Variants in TMEM132C observed in about 807,000 individuals in gnomAD.
TMEM132C encodes protein phosphatase 1, regulatory subunit 152.
Under a neutral mutation model 61.4 loss-of-function variants are expected in TMEM132C, and 29 were observed. That is an observed-to-expected ratio of 0.47 (90% CI 0.35 to 0.64). TMEM132C has a LOEUF of 0.64. Ranked by LOEUF, TMEM132C falls within the 30% of genes least tolerant of loss-of-function variation. The pLI is 0.00. For synonymous variants in TMEM132C, 656 were observed against 633.1 expected (o/e 1.04, Z -0.54); for missense variants, 1,408 against 1,476.9 (o/e 0.95, Z 0.76).
chr12:128,268,969 G>T lies in TMEM132C; in HGVS notation c.85+1482G>T, dbSNP rs1252902212. On this transcript the variant is annotated intron_variant, in intron 1 of 8. Transcript: ENST00000435159. ...GAAAGGGGGTGAGAGACGAGGGAAA[G>T]GGGGGGCAAGTCGGGGGTGGAGGAG... Among the ~76,000 whole-genome samples the T allele has an allele frequency of 4.8e-5, 5 of 103,662 alleles. No homozygotes were observed. The East Asian group carries it at 1.8e-3, about 38-fold the overall frequency. The allele number at this position is 103,662 out of a possible 152,430, so 68.0% of individuals were successfully genotyped here. A position where few individuals can be genotyped will look rare whatever the true frequency, so the allele number is the denominator to read the frequency against.
At chr12:128,530,279 G>C (rs1873240406) in intron 2 of TMEM132C, among the ~76,000 whole-genome samples, 1 of 152,120 alleles carries the variant, frequency 6.6e-6, no homozygotes, top group South Asian at 2.1e-4. Context: ...CCCTTCACCA[G>C]GGCTGTGCTG....
Position 128,705,790 on chromosome 12 carries a change from TC to T in TMEM132C, c.2824del (p.Leu942Ter). 6.4e-7 allele frequency: 1 copy of T among 1,551,656 alleles called. No homozygotes were observed. The highest frequency in any genetic ancestry group is 8.7e-7 in the Non-Finnish European group (1 of 1,147,064). ...GTGTTCTGCCTGGCCATCCTCGTCT[TC>T]CTGATCAACTGCGCCACCTTTGCCC... ...LGVFCLAILV[F>X]LINCATFALK... On this transcript the variant is annotated frameshift_variant, in exon 9 of 9. Transcript: ENST00000435159. LOFTEE classifies it low-confidence loss of function (END_TRUNC).
At chr12:128,688,172 C>T (rs990485921) in intron 5 of TMEM132C, among the ~76,000 whole-genome samples, 8 of 152,198 alleles carry the variant, frequency 5.3e-5, no homozygotes, top group African/African-American at 1.9e-4. Flanking sequence ...CTTTCCCCTG[C>T]CCACCTGCCC....
intron 1 of TMEM132C, among the ~76,000 whole-genome samples, chr12:128,293,667 A>G (rs1188895903): frequency 6.6e-6 from 1 of 152,102 alleles, no homozygotes; most frequent in Non-Finnish European, 1.5e-5. Context: ...AGTGGAGCCC[A>G]TTTGTAAACT....
In TMEM132C at chr12:128,585,263, G is replaced by A. The variant is rs1362417621; in HGVS notation, c.1122-30889G>A. ...ATCTCTGGATAGTGGTTTGGTGATA[G>A]GAGATGTTAAATGCCCAAAGGCTAA... is the stretch of plus-strand genomic sequence containing the variant. On this transcript the variant is annotated intron_variant, in intron 3 of 8. Transcript: ENST00000435159. 3.9e-5 allele frequency among the ~76,000 whole-genome samples: 6 copies of A among 152,250 alleles called. No individual in the cohort carries two copies. The South Asian group carries it at 1.0e-3, about 26-fold the overall frequency.
At chr12:128,543,025 CT>C (rs1179052308) in intron 2 of TMEM132C, among the ~76,000 whole-genome samples, 1 of 152,136 alleles carries the variant, frequency 6.6e-6, no homozygotes, top group African/African-American at 2.4e-5. Context: ...CAAGCTGCTA[CT>C]TGTCTCGTCC....
At chr12:128,397,262 C>A (rs1024966068) in intron 1 of TMEM132C, among the ~76,000 whole-genome samples, 3 of 152,224 alleles carry the variant, frequency 2.0e-5, no homozygotes, top group Non-Finnish European at 4.4e-5. Context: ...GTTTGCTTAA[C>A]CTGAAGGCTT....
chr12:128,288,004 C>A (rs1051081476), intron 1 of TMEM132C, among the ~76,000 whole-genome samples: 78 of 151,322 alleles, frequency 5.2e-4, no homozygotes, highest in African/African-American at 1.8e-3. Context: ...GTGTTTGGTG[C>A]AGTCTTAATA....
chr12:128,597,523 A>T (rs144202673), intron 3 of TMEM132C, among the ~76,000 whole-genome samples: 29 of 111,866 alleles, frequency 2.6e-4, no homozygotes, highest in Admixed American at 4.2e-4. Flanking sequence ...GAAGGAAGGA[A>T]GGAAGGATGG....
chr12:128,497,058 C>A (rs1267524296), intron 2 of TMEM132C, among the ~76,000 whole-genome samples: 1 of 152,232 alleles, frequency 6.6e-6, no homozygotes, highest in African/African-American at 2.4e-5. Flanking sequence ...ACAGTCAGGA[C>A]CCTTAGCTGC....
chr12:128,412,130 C>T (rs1868578772), intron 1 of TMEM132C, among the ~76,000 whole-genome samples: 1 of 152,196 alleles, frequency 6.6e-6, no homozygotes, highest in Admixed American at 6.5e-5. Flanking sequence ...CCTTACCCTC[C>T]TGCAATGTGG....
At chr12:128,681,810 C>T (rs1176282235) in intron 5 of TMEM132C, among the ~76,000 whole-genome samples, 3 of 146,282 alleles carry the variant, frequency 2.1e-5, no homozygotes, top group Admixed American at 7.0e-5. Context: ...AGCGCTACCA[C>T]GCCTGGATTT....
chr12:128,610,925 A>AC (rs1297696468), intron 3 of TMEM132C, among the ~76,000 whole-genome samples: 4 of 152,150 alleles, frequency 2.6e-5, no homozygotes, highest in Non-Finnish European at 4.4e-5. Context: ...AAGCTCCTGA[A>AC]CCAGGCTTCA....
chr12:128,665,886 C>T (rs1954461221), intron 4 of TMEM132C, among the ~76,000 whole-genome samples: 1 of 145,906 alleles, frequency 6.9e-6, no homozygotes, highest in Non-Finnish European at 1.5e-5. Flanking sequence ...TACCCATAAA[C>T]ACACAGCCAC....
intron 5 of TMEM132C, among the ~76,000 whole-genome samples, chr12:128,681,862 G>C (rs1296123929): frequency 1.4e-5 from 2 of 141,690 alleles, no homozygotes; most frequent in African/African-American, 5.2e-5. Context: ...TAGAGACAGG[G>C]TTTCACTATG....
intron 4 of TMEM132C, among the ~76,000 whole-genome samples, chr12:128,647,656 G>A (rs1436679019): frequency 2.0e-5 from 3 of 151,236 alleles, no homozygotes; most frequent in African/African-American, 4.9e-5. Flanking sequence ...CGTTAAATAT[G>A]AGTGTGTTTA....
intron 2 of TMEM132C, among the ~76,000 whole-genome samples, chr12:128,524,153 G>T (rs1410964702): frequency 6.6e-6 from 1 of 152,156 alleles, no homozygotes; most frequent in Non-Finnish European, 1.5e-5. Context: ...TTGGCTTAAG[G>T]TGGGATTCTG....
intron 3 of TMEM132C, among the ~76,000 whole-genome samples, chr12:128,599,221 G>A (rs1187435833): frequency 2.0e-5 from 3 of 152,198 alleles, no homozygotes; most frequent in Non-Finnish European, 4.4e-5. Flanking sequence ...GAAGGTGGAA[G>A]CATCTTCCTC....
intron 2 of TMEM132C, among the ~76,000 whole-genome samples, chr12:128,429,367 G>T (rs1453643146): frequency 2.0e-5 from 3 of 152,178 alleles, no homozygotes; most frequent in African/African-American, 7.2e-5. Flanking sequence ...ATGAATAAAT[G>T]GTTGATTGCC....
Sources: gnomAD v4.1 joint callset for allele counts (sites outside exome capture counted in the v4.1 genomes callset) on GRCh38, gnomAD v4.1.1 for gene constraint, MANE v1.5 for transcripts, NCBI Gene and HGNC (gene_info 2026-07-23, HGNC 2026-07-21) for gene names.